The following MAGI1 variants were observed in gnomAD, a reference collection of about 807,000 sequenced individuals.
MAGI1 encodes membrane associated guanylate kinase, WW and PDZ domain containing 1.
In MAGI1, 58 loss-of-function variants were observed where a neutral mutation model predicts 139.9. The observed-to-expected ratio is 0.41, with a 90% CI of 0.34 to 0.52. The LOEUF (loss-of-function observed/expected upper bound fraction) is 0.52, where lower values mean the gene tolerates loss of function less well. Among genes scored for constraint, MAGI1 ranks in the 20% least tolerant of loss-of-function variants. The pLI is 0.12. For missense variants in MAGI1, 1,874 were observed against 1,901.6 expected, an observed-to-expected ratio of 0.99 and a Z score of 0.27; for synonymous variants, 812 against 737.9, an observed-to-expected ratio of 1.10 and a Z score of -1.63.
At chr3:65,370,131 A>C (rs761172566) in intron 18 of MAGI1, among the ~76,000 whole-genome samples, 1 of 152,034 alleles carries the variant, frequency 6.6e-6, no homozygotes, top group Non-Finnish European at 1.5e-5. Context: ...CCCTGCTTCA[A>C]CTCTAATTTC....
chr3:65,639,827 A>T (rs1576567948), intron 1 of MAGI1, among the ~76,000 whole-genome samples: 1 of 151,400 alleles, frequency 6.6e-6, no homozygotes, highest in Admixed American at 6.6e-5. Context: ...ACATGGAAAA[A>T]CCCCGTCTCT....
chr3:65,931,538 C>T (rs1439940619), intron 1 of MAGI1, among the ~76,000 whole-genome samples: 1 of 152,106 alleles, frequency 6.6e-6, no homozygotes, highest in Non-Finnish European at 1.5e-5. Flanking sequence ...TGGTGGCAGA[C>T]ACTGTAGTCC....
At chr3:65,790,287 C>A (rs1346590050) in intron 1 of MAGI1, among the ~76,000 whole-genome samples, 1 of 152,172 alleles carries the variant, frequency 6.6e-6, no homozygotes, top group Non-Finnish European at 1.5e-5. Flanking sequence ...ATTTGTTTGA[C>A]CTTCTGATCC....
At chr3:66,010,082 A>C (rs2067245606) in intron 1 of MAGI1, among the ~76,000 whole-genome samples, 1 of 143,830 alleles carries the variant, frequency 7.0e-6, no homozygotes, top group Admixed American at 6.8e-5. Context: ...TGTCTCAAAA[A>C]AAAAAAAAAA....
At chr3:65,622,802 A>G (rs760077059) in intron 1 of MAGI1, among the ~76,000 whole-genome samples, 5 of 152,104 alleles carry the variant, frequency 3.3e-5, no homozygotes, top group Non-Finnish European at 7.4e-5. Flanking sequence ...CCCGGCCTCA[A>G]GTGATCCGCC....
intron 14 of MAGI1, among the ~76,000 whole-genome samples, 188 bp from the exon 15 acceptor site, chr3:65,383,811 T>C (rs141098444): frequency 4.6e-5 from 7 of 152,316 alleles, no homozygotes; most frequent in African/African-American, 1.7e-4. Context: ...ACAGTGGGAA[T>C]AGTCACTGAG....
chr3:65,478,525 T>C, intron 4 of MAGI1, 67 bp downstream of exon 4: 1 of 1,478,334 alleles, frequency 6.8e-7, no homozygotes, highest in South Asian at 1.1e-5. Flanking sequence ...TTTTCAAAAC[T>C]CTATGCAAAA....
intron 2 of MAGI1, among the ~76,000 whole-genome samples, chr3:65,529,778 T>C (rs1280692290): frequency 6.6e-6 from 1 of 152,184 alleles, no homozygotes; most frequent in African/African-American, 2.4e-5. Flanking sequence ...AATATATGGA[T>C]ACAGACATAA....
At chr3:66,034,537 C>A (rs1279226307) in intron 1 of MAGI1, among the ~76,000 whole-genome samples, 1 of 152,136 alleles carries the variant, frequency 6.6e-6, no homozygotes, top group African/African-American at 2.4e-5. Context: ...ATCAAAGTTT[C>A]CTTAATTACA....
At chr3:65,390,109 G>A (rs1424518334) in intron 14 of MAGI1, among the ~76,000 whole-genome samples, 1 of 152,116 alleles carries the variant, frequency 6.6e-6, no homozygotes, top group African/African-American at 2.4e-5. Flanking sequence ...TGTAGTGGAC[G>A]GGAGGCCAGG....
At chr3:65,654,532 A>T (rs1249505418) in intron 1 of MAGI1, among the ~76,000 whole-genome samples, 3 of 152,202 alleles carry the variant, frequency 2.0e-5, no homozygotes, top group Non-Finnish European at 4.4e-5. Flanking sequence ...CAAATAGAAG[A>T]TTCCATGAAT....
intron 1 of MAGI1, among the ~76,000 whole-genome samples, chr3:66,035,870 A>G (rs747053554): frequency 6.6e-5 from 10 of 152,300 alleles, no homozygotes; most frequent in East Asian, 1.9e-4. Flanking sequence ...CCTAAACTCC[A>G]TGATGAGAGA....
intron 2 of MAGI1, among the ~76,000 whole-genome samples, chr3:65,611,053 A>G (rs1287831565): frequency 1.5e-5 from 2 of 136,956 alleles, no homozygotes; most frequent in Admixed American, 1.5e-4. Flanking sequence ...ATATACATAT[A>G]TACATACATA....
chr3:65,846,005 A>C (rs2058980196), intron 1 of MAGI1, among the ~76,000 whole-genome samples: 2 of 152,204 alleles, frequency 1.3e-5, no homozygotes, highest in South Asian at 4.1e-4. Flanking sequence ...TTCTTTTATA[A>C]AATTTGGGAA....
chr3:65,776,873 C>T (rs1354263823), intron 1 of MAGI1, among the ~76,000 whole-genome samples: 1 of 152,244 alleles, frequency 6.6e-6, no homozygotes, highest in Non-Finnish European at 1.5e-5. Context: ...CTATCCATCG[C>T]TGGCTGCTTC....
At chr3:65,610,830 C>T in intron 2 of MAGI1, among the ~76,000 whole-genome samples, 1 of 131,898 alleles carries the variant, frequency 7.6e-6, no homozygotes, top group Non-Finnish European at 1.6e-5. Context: ...AGTATATATA[C>T]AGTAGATAGT....
chr3:65,431,016 G>T, intron 10 of MAGI1, 135 bp from the exon 11 acceptor site: 1 of 799,434 alleles, frequency 1.3e-6, no homozygotes, highest in Non-Finnish European at 2.0e-6. Context: ...TCTTAAGAAA[G>T]TCCTCTCTTA....
At chr3:65,695,926 C>G (rs1559795794) in intron 1 of MAGI1, among the ~76,000 whole-genome samples, 1 of 152,246 alleles carries the variant, frequency 6.6e-6, no homozygotes, top group South Asian at 2.1e-4. Context: ...AAGATACTTT[C>G]CTTGTTGCTA....
At chr3:65,874,209 C>G (rs1037393200) in intron 1 of MAGI1, 2 of 152,108 alleles carry the variant, frequency 1.3e-5, no homozygotes, top group Non-Finnish European at 2.9e-5. Context: ...TCATTTGGAC[C>G]CAGGAGGTGG....
Sources: gnomAD v4.1 joint callset for allele counts (sites outside exome capture counted in the v4.1 genomes callset) on GRCh38, gnomAD v4.1.1 for gene constraint, MANE v1.5 for transcripts, NCBI Gene and HGNC (gene_info 2026-07-23, HGNC 2026-07-21) for gene names.